The following PRKCH variants were observed in gnomAD, a reference collection of about 807,000 sequenced individuals.
The protein encoded by PRKCH is protein kinase C eta type.
PRKCH carries 28 observed loss-of-function variants against 82.5 expected under a neutral mutation model. The ratio of observed to expected loss-of-function variants is 0.34; its 90% CI spans 0.25 to 0.47. The LOEUF (loss-of-function observed/expected upper bound fraction) is 0.47. PRKCH is among the 20% of genes least tolerant of loss of function. PRKCH has a pLI of 1.00. For missense variants in PRKCH, 705 were observed against 881.8 expected (o/e 0.80, Z 2.54); for synonymous variants, 322 against 327.4 (o/e 0.98, Z 0.18).
intron 9 of PRKCH, among the ~76,000 whole-genome samples, chr14:61,481,685 C>T (rs1885978968): frequency 6.6e-6 from 1 of 152,214 alleles, no homozygotes; most frequent in South Asian, 2.1e-4. Context: ...AGAAATGTCA[C>T]CCCGATCCCA....
chr14:61,394,568 C>T (rs956555480), intron 2 of PRKCH, among the ~76,000 whole-genome samples: 12 of 152,080 alleles, frequency 7.9e-5, no homozygotes, highest in Non-Finnish European at 1.3e-4. Flanking sequence ...AAGGGACTGG[C>T]GAAGTAAAGC....
At chr14:61,415,699 C>T (rs1882512854) in intron 2 of PRKCH, among the ~76,000 whole-genome samples, 1 of 152,158 alleles carries the variant, frequency 6.6e-6, no homozygotes, top group South Asian at 2.1e-4. Context: ...TAAAAATCTA[C>T]CTTCTGAACC....
intron 1 of PRKCH, among the ~76,000 whole-genome samples, chr14:61,296,808 T>C (rs2045410221): frequency 6.6e-6 from 1 of 152,230 alleles, no homozygotes; most frequent in Non-Finnish European, 1.5e-5. Context: ...CCCTATGTAT[T>C]ATAGTTTCAG....
chr14:61,470,687 T>G (rs1373173626), intron 9 of PRKCH, among the ~76,000 whole-genome samples: 2 of 152,204 alleles, frequency 1.3e-5, no homozygotes, highest in Non-Finnish European at 2.9e-5. Flanking sequence ...CTTCTGGTCT[T>G]GAATGACTTA....
At chr14:61,208,697 C>T (rs1257261862) in intron 1 of PRKCH, among the ~76,000 whole-genome samples, 1 of 152,120 alleles carries the variant, frequency 6.6e-6, no homozygotes, top group Non-Finnish European at 1.5e-5. Context: ...CATATATACC[C>T]ATATTTTTAA....
chr14:61,410,295 T>G (rs550651731), intron 2 of PRKCH, among the ~76,000 whole-genome samples: 1 of 152,250 alleles, frequency 6.6e-6, no homozygotes, highest in African/African-American at 2.4e-5. Context: ...ATATCTCTTA[T>G]GCATTTTGAA....
chr14:61,216,061 G>T (rs2044614122), intron 1 of PRKCH, among the ~76,000 whole-genome samples: 1 of 152,126 alleles, frequency 6.6e-6, no homozygotes, highest in African/African-American at 2.4e-5. Context: ...TAAAATGTGT[G>T]GCTTGGGGTT....
At chr14:61,527,816 C>T (rs1441594684) in intron 10 of PRKCH, 1 of 152,988 alleles carries the variant, frequency 6.5e-6, no homozygotes, top group Non-Finnish European at 1.5e-5. Flanking sequence ...TCTGAGTCCA[C>T]CTGCACAGCC....
chr14:61,470,859 A>G (rs1030341507), intron 9 of PRKCH, among the ~76,000 whole-genome samples: 2 of 152,086 alleles, frequency 1.3e-5, no homozygotes, highest in Non-Finnish European at 2.9e-5. Context: ...CCTCCTCTCC[A>G]TACACGTTTT....
intron 12 of PRKCH, among the ~76,000 whole-genome samples, chr14:61,536,723 G>A (rs909517982): frequency 1.4e-4 from 22 of 152,130 alleles, no homozygotes; most frequent in African/African-American, 5.1e-4. Context: ...CCTACATTCA[G>A]GGTTGGGGAG....
At chr14:61,441,186 C>G (rs546054492) in intron 2 of PRKCH, among the ~76,000 whole-genome samples, 6 of 152,144 alleles carry the variant, frequency 3.9e-5, no homozygotes, top group Non-Finnish European at 8.8e-5. Context: ...ATGTGAGCCA[C>G]TGCACTTGCC....
intron 1 of PRKCH, among the ~76,000 whole-genome samples, chr14:61,313,635 G>A (rs1345570071): frequency 6.6e-6 from 1 of 152,130 alleles, no homozygotes; most frequent in East Asian, 1.9e-4. Context: ...AAAAAAGAAG[G>A]TTTAATTGGA....
intron 1 of PRKCH, among the ~76,000 whole-genome samples, chr14:61,297,806 G>A (rs968180294): frequency 5.3e-5 from 8 of 152,168 alleles, no homozygotes; most frequent in East Asian, 1.9e-4. Context: ...ACTGTTCGTG[G>A]CCTGGGGGTT....
chr14:61,212,017 A>G (rs1395891239), intron 1 of PRKCH, among the ~76,000 whole-genome samples: 1 of 152,106 alleles, frequency 6.6e-6, no homozygotes, highest in Non-Finnish European at 1.5e-5. Flanking sequence ...TCCCACTTCA[A>G]ATCTCATAAT....
intron 9 of PRKCH, among the ~76,000 whole-genome samples, chr14:61,481,990 C>CTTT (rs35134897): frequency 1.3e-3 from 128 of 101,066 alleles, no homozygotes; most frequent in East Asian, 4.1e-3. Flanking sequence ...TTTCCTTTTC[C>CTTT]TTTTTTTTTT....
intron 12 of PRKCH, among the ~76,000 whole-genome samples, chr14:61,541,239 G>C (rs1445675502): frequency 2.0e-5 from 3 of 152,270 alleles, no homozygotes; most frequent in Admixed American, 1.3e-4. Flanking sequence ...GAATCTGCGT[G>C]TGCCAGCAGC....
intron 1 of PRKCH, among the ~76,000 whole-genome samples, chr14:61,284,238 G>A (rs1003033352): frequency 6.6e-6 from 1 of 152,220 alleles, no homozygotes; most frequent in African/African-American, 2.4e-5. Context: ...AAATGACTGA[G>A]TGTGACCAGC....
Position 61,280,901 on chromosome 14 carries a change from C to T in PRKCH, c.-19+93233C>T. The T allele has an allele frequency of 5.2e-6, 8 of 1,547,918 alleles. No individual in the cohort carries two copies. Among genetic ancestry groups the T allele is most frequent in the African/African-American group, 1.4e-5 (1 of 73,492 alleles). ...GGGGGCGGCAGCGCCCGGCCCTGGC[C>T]AGCCGCGGCGCACACCGAGCAGTTA... On this transcript the variant is annotated intron_variant, in intron 1 of 3. Coordinates refer to the PRKCH transcript ENST00000555185. The surrounding 1 kb of genome is among the most constrained non-coding windows in gnomAD (Gnocchi z 5.0).
At chr14:61,257,975 T>C (rs1005954672) in intron 1 of PRKCH, among the ~76,000 whole-genome samples, 10 of 45,842 alleles carry the variant, frequency 2.2e-4, no homozygotes, top group Non-Finnish European at 8.8e-4. Context: ...GTTTTATGGA[T>C]TTTTTTTTCT....
Sources: allele counts gnomAD v4.1 joint callset (sites outside exome capture counted in the v4.1 genomes callset), GRCh38; gene constraint gnomAD v4.1.1; non-coding constraint Gnocchi (gnomAD v3.1); transcripts MANE v1.5; gene names NCBI Gene and HGNC (gene_info 2026-07-23, HGNC 2026-07-21).